BTBD9: variants seen among roughly 807,000 people sequenced by gnomAD.
BTBD9 encodes BTB domain containing 9, also known as BTB/POZ domain-containing protein 9.
BTBD9 carries 49 observed loss-of-function variants against 64.3 expected under a neutral mutation model. The observed-to-expected ratio is 0.76, with a 90% CI of 0.61 to 0.97. BTBD9 has a LOEUF of 0.97. Ranked by LOEUF, BTBD9 falls within the 50% of genes least tolerant of loss-of-function variation. The probability of loss-of-function intolerance (pLI) is 0.00; values close to 1 mark genes in which losing one functional copy is unlikely to be tolerated. For synonymous variants in BTBD9, 260 were observed against 274.7 expected (o/e 0.95, Z 0.53); for missense variants, 598 against 762.1 (o/e 0.78, Z 2.53).
In BTBD9 at chr6:38,610,519, CAG is replaced by C. The variant is rs148708552; in HGVS notation, c.-27-12400_-27-12399del. Among the ~76,000 whole-genome samples, 550 of 152,224 alleles carry C rather than the reference CAG, an allele frequency of 3.6e-3. 2 individuals are homozygous for C. The highest frequency in any genetic ancestry group is 0.013 in the African/African-American group (526 of 41,530). ...GTTCTGAGTAGCAACAGAGAAGAGACAGAAACAAATAAACACTGTGGTGGATA... is the reference window on the plus strand; with the variant it reads ...GTTCTGAGTAGCAACAGAGAAGAGACAAACAAATAAACACTGTGGTGGATA... On this transcript the variant is annotated intron_variant, in intron 1 of 10. Coordinates refer to ENST00000481247, the MANE Select transcript of BTBD9 (RefSeq NM_001099272.2).
chr6:38,588,770 T>TA (rs1259852624), intron 4 of BTBD9, among the ~76,000 whole-genome samples: 3 of 152,202 alleles, frequency 2.0e-5, no homozygotes, highest in African/African-American at 7.2e-5. Flanking sequence ...CTTACATGTA[T>TA]GTAAAGTGAT....
intron 6 of BTBD9, among the ~76,000 whole-genome samples, chr6:38,483,967 TTC>T (rs1771281587): frequency 6.6e-6 from 1 of 152,244 alleles, no homozygotes; most frequent in Non-Finnish European, 1.5e-5. Flanking sequence ...CATCTCATTT[TTC>T]TCTCTCTCCT....
chr6:38,594,127 G>A lies in BTBD9; in HGVS notation c.386C>T (p.Thr129Ile), dbSNP rs780892478. 3 of 1,614,134 alleles carry A rather than the reference G, an allele frequency of 1.9e-6. No homozygotes were observed. Among genetic ancestry groups the A allele is most frequent in the Admixed American group, 3.3e-5 (2 of 60,024 alleles). Residue 129 changes from threonine (T) to isoleucine (I), a missense_variant, in exon 3 of 11, where the codon ACC becomes ATC. Coordinates refer to ENST00000481247, the MANE Select transcript of BTBD9 (RefSeq NM_001099272.2). ...KYGFPELEDS[T>I]SEYLCTILNI... The stretch of plus-strand genomic sequence containing the variant: ...AAGTATGGTGCAGAGATACTCAGAG[G>A]TAGAATCCTCTAGCTCTGGAAATCC...
chr6:38,635,930 A>G (rs1299408811), intron 1 of BTBD9, among the ~76,000 whole-genome samples: 2 of 152,148 alleles, frequency 1.3e-5, no homozygotes, highest in South Asian at 4.1e-4. Flanking sequence ...AACGTCCAAA[A>G]GTTCCATTCA....
At chr6:38,590,559 A>C (rs1488435983) in intron 4 of BTBD9, among the ~76,000 whole-genome samples, 2 of 152,358 alleles carry the variant, frequency 1.3e-5, no homozygotes, top group East Asian at 3.9e-4. Flanking sequence ...GAGAATGTTT[A>C]AAGGCATAGT....
At chr6:38,183,577 TTTC>T (rs1219734118) in intron 10 of BTBD9, among the ~76,000 whole-genome samples, 6 of 152,200 alleles carry the variant, frequency 3.9e-5, no homozygotes, top group Non-Finnish European at 7.3e-5. Context: ...TCCACACCCC[TTTC>T]TTCTTAGCCT....
intron 7 of BTBD9, among the ~76,000 whole-genome samples, chr6:38,331,182 TAAG>T (rs1763662576): frequency 6.6e-6 from 1 of 152,176 alleles, no homozygotes; most frequent in Non-Finnish European, 1.5e-5. Context: ...AAATTAATAA[TAAG>T]AAAGAAGCAA....
intron 6 of BTBD9, among the ~76,000 whole-genome samples, chr6:38,396,963 G>A (rs937820635): frequency 1.5e-5 from 2 of 137,630 alleles, no homozygotes; most frequent in African/African-American, 2.8e-5. Flanking sequence ...GTGTAGTGGC[G>A]CAATCTCGGC....
intron 7 of BTBD9, among the ~76,000 whole-genome samples, chr6:38,334,637 AAAAT>A (rs1472541423): frequency 1.4e-5 from 2 of 145,404 alleles, no homozygotes; most frequent in African/African-American, 2.7e-5. Flanking sequence ...TAAAATAAAT[AAAAT>A]AATAAAATAA....
intron 6 of BTBD9, among the ~76,000 whole-genome samples, chr6:38,456,283 C>A (rs1423901678): frequency 1.3e-5 from 2 of 152,136 alleles, no homozygotes; most frequent in African/African-American, 2.4e-5. Context: ...CCACTGTGCC[C>A]GACTTGTTTT....
intron 8 of BTBD9, among the ~76,000 whole-genome samples, chr6:38,257,712 A>C (rs982246902): frequency 2.0e-5 from 3 of 152,154 alleles, no homozygotes; most frequent in African/African-American, 7.2e-5. Flanking sequence ...TTCTGCCCAG[A>C]TAAGAACTTA....
chr6:38,515,115 G>A (rs1295502028), intron 6 of BTBD9, among the ~76,000 whole-genome samples: 1 of 152,064 alleles, frequency 6.6e-6, no homozygotes, highest in Non-Finnish European at 1.5e-5. Context: ...CAGTTTTACA[G>A]ATGCTTCCAG....
chr6:38,211,297 C>G (rs917593412), intron 9 of BTBD9, among the ~76,000 whole-genome samples: 2 of 152,062 alleles, frequency 1.3e-5, no homozygotes, highest in Non-Finnish European at 2.9e-5. Flanking sequence ...GGCATGGTGG[C>G]GGGCGCCTGC....
At chr6:38,376,202 T>G (rs1246785766) in intron 6 of BTBD9, among the ~76,000 whole-genome samples, 1 of 152,126 alleles carries the variant, frequency 6.6e-6, no homozygotes, top group Admixed American at 6.5e-5. Flanking sequence ...GGTAAAAATG[T>G]GTGTGAAGAA....
intron 6 of BTBD9, among the ~76,000 whole-genome samples, chr6:38,415,583 A>G (rs1368528193): frequency 6.6e-6 from 1 of 152,242 alleles, no homozygotes; most frequent in Non-Finnish European, 1.5e-5. Context: ...TTGTTACAAC[A>G]GCAATAGGAA....
chr6:38,353,724 T>A (rs1009882942), intron 6 of BTBD9, among the ~76,000 whole-genome samples: 1 of 152,234 alleles, frequency 6.6e-6, no homozygotes, highest in African/African-American at 2.4e-5. Context: ...GTCTGCATTA[T>A]CTTTTCCAGT....
intron 10 of BTBD9, among the ~76,000 whole-genome samples, chr6:38,178,723 G>C (rs911440330): frequency 6.7e-6 from 1 of 149,884 alleles, no homozygotes; most frequent in Non-Finnish European, 1.5e-5. Context: ...ACAGAGCAAG[G>C]AGGGCCTGGG....
rs1774937452 is a variant in BTBD9 at position 38,554,562 on chromosome 6, AAAATAATCTTCTG to A, written c.1154+23025_1154+23037del. The stretch of plus-strand genomic sequence containing the variant: ...TACATTTACTTTTCAAGTTCCCAAA[AAAATAATCTTCTG>A]ATTTTATTAGAACGGAGCTTGCATA... On this transcript the variant is annotated intron_variant, in intron 6 of 10. Transcript: ENST00000481247. Among the ~76,000 whole-genome samples the A allele has an allele frequency of 2.6e-5, 4 of 152,352 alleles. No individual in the cohort carries two copies. In the South Asian group the frequency reaches 8.3e-4, roughly 32 times the overall value.
intron 9 of BTBD9, among the ~76,000 whole-genome samples, chr6:38,244,556 A>C (rs920811049): frequency 6.6e-6 from 1 of 152,182 alleles, no homozygotes; most frequent in Non-Finnish European, 1.5e-5. Context: ...ATTTTAAATC[A>C]AATCAATTTC....
Sources: gnomAD v4.1 joint callset for allele counts (sites outside exome capture counted in the v4.1 genomes callset) on GRCh38, gnomAD v4.1.1 for gene constraint, MANE v1.5 for transcripts, NCBI Gene and HGNC (gene_info 2026-07-23, HGNC 2026-07-21) for gene names.